The following NAV2 variants were observed in gnomAD, a reference collection of about 807,000 sequenced individuals.
NAV2 encodes helicase, APC down-regulated 1.
In NAV2, 54 loss-of-function variants were observed where a neutral mutation model predicts 223.2. The ratio of observed to expected loss-of-function variants is 0.24; its 90% CI spans 0.19 to 0.30. NAV2 has a LOEUF of 0.30. Among genes scored for constraint, NAV2 ranks in the 10% least tolerant of loss-of-function variants. The pLI, the probability that NAV2 is intolerant of heterozygous loss-of-function variation, is 1.00. For missense variants in NAV2, 2,806 were observed against 3,147.5 expected (o/e 0.89, Z 2.60); for synonymous variants, 1,279 against 1,239.3 (o/e 1.03, Z -0.67).
intron 1 of NAV2, chr11:19,503,021 C>T (rs1590348648): frequency 6.6e-6 from 1 of 152,312 alleles, no homozygotes; most frequent in East Asian, 1.9e-4. Flanking sequence ...AATTTTCTTT[C>T]TTCAGTTTCC....
intron 26 of NAV2, among the ~76,000 whole-genome samples, chr11:20,085,560 G>C (rs1451965405): frequency 6.6e-6 from 1 of 152,194 alleles, no homozygotes; most frequent in Non-Finnish European, 1.5e-5. Context: ...GCCAGGGGGA[G>C]CCACTGGGTT....
chr11:19,589,441 T>A (rs773976756), intron 1 of NAV2, among the ~76,000 whole-genome samples: 21 of 152,244 alleles, frequency 1.4e-4, no homozygotes, highest in Non-Finnish European at 2.2e-4. Context: ...GTGTGGTTGA[T>A]TCTGCCTTGG....
intron 11 of NAV2, among the ~76,000 whole-genome samples, chr11:20,025,347 G>A (rs747763408): frequency 2.0e-4 from 30 of 152,198 alleles, no homozygotes; most frequent in Non-Finnish European, 3.2e-4. Flanking sequence ...ATGTTTAGGG[G>A]AAATATATCT....
intron 1 of NAV2, among the ~76,000 whole-genome samples, chr11:19,430,018 T>C (rs1038102065): frequency 1.3e-5 from 2 of 152,332 alleles, no homozygotes; most frequent in Middle Eastern, 3.4e-3. Flanking sequence ...ACATTCAGTT[T>C]ACAAACTTTA....
chr11:19,839,014 C>T (rs2060377565), intron 2 of NAV2, among the ~76,000 whole-genome samples: 1 of 152,232 alleles, frequency 6.6e-6, no homozygotes, highest in East Asian at 1.9e-4. Context: ...TTGTTTGCGA[C>T]TTTTCTGCCA....
intron 1 of NAV2, among the ~76,000 whole-genome samples, chr11:19,546,987 G>T (rs758386475): frequency 1.4e-4 from 22 of 152,228 alleles, no homozygotes; most frequent in Non-Finnish European, 2.5e-4. Flanking sequence ...AAGCTCAGAT[G>T]TAGCCTCTTT....
At chr11:19,506,772 C>G (rs1057093078) in intron 1 of NAV2, 4 of 152,260 alleles carry the variant, frequency 2.6e-5, no homozygotes, top group African/African-American at 9.7e-5. Context: ...AAATGCCACC[C>G]AGAAAGGAGC....
At chr11:19,773,359 A>G (rs1002564270) in intron 1 of NAV2, among the ~76,000 whole-genome samples, 1 of 152,182 alleles carries the variant, frequency 6.6e-6, no homozygotes, top group African/African-American at 2.4e-5. Context: ...CAGGGGCTCC[A>G]CAGTACCAGA....
intron 6 of NAV2, among the ~76,000 whole-genome samples, chr11:19,910,586 C>T (rs916221193): frequency 3.3e-5 from 5 of 152,126 alleles, no homozygotes; most frequent in Non-Finnish European, 5.9e-5. Flanking sequence ...TAGCCAGGCG[C>T]GGTGGCTTAT....
intron 1 of NAV2, among the ~76,000 whole-genome samples, chr11:19,814,350 C>T (rs1205610691): frequency 3.3e-5 from 5 of 152,072 alleles, no homozygotes; most frequent in Non-Finnish European, 7.4e-5. Context: ...TTCAGTGAGA[C>T]CCATGGATGT....
chr11:19,665,156 C>T (rs2048376728), intron 1 of NAV2, among the ~76,000 whole-genome samples: 1 of 152,150 alleles, frequency 6.6e-6, no homozygotes, highest in Admixed American at 6.6e-5. Context: ...GAGCCTGATG[C>T]CAAATCAAGA....
intron 22 of NAV2, among the ~76,000 whole-genome samples, chr11:20,070,829 G>A (rs1019945798): frequency 1.3e-5 from 2 of 152,114 alleles, no homozygotes; most frequent in African/African-American, 4.8e-5. Context: ...TTGTGCTAAT[G>A]ACACAAAGGC....
chr11:20,106,188 T>C (rs1197764447), intron 35 of NAV2, among the ~76,000 whole-genome samples: 1 of 40,528 alleles, frequency 2.5e-5, no homozygotes, highest in East Asian at 1.1e-3. Context: ...TGTGTGTATA[T>C]ATATATATAT....
chr11:19,669,198 G>A (rs145402499), intron 1 of NAV2, among the ~76,000 whole-genome samples: 1 of 152,296 alleles, frequency 6.6e-6, no homozygotes, highest in African/African-American at 2.4e-5. Context: ...CAAGCTATCT[G>A]CAAGATGGGC....
intron 1 of NAV2, among the ~76,000 whole-genome samples, chr11:19,589,728 G>A (rs911763133): frequency 2.0e-5 from 3 of 152,192 alleles, no homozygotes; most frequent in Admixed American, 1.3e-4. Context: ...CCTAGAAGCC[G>A]ATCAGCCATC....
chr11:19,379,207 TCAGA>T (rs2133914936), intron 1 of NAV2, among the ~76,000 whole-genome samples: 1 of 152,074 alleles, frequency 6.6e-6, no homozygotes, highest in South Asian at 2.1e-4. Flanking sequence ...TGGCTCAGGG[TCAGA>T]CAGACTGGAT....
chr11:19,943,310 C>T (rs2046559965), intron 8 of NAV2, among the ~76,000 whole-genome samples: 3 of 152,024 alleles, frequency 2.0e-5, no homozygotes, highest in South Asian at 4.1e-4. Flanking sequence ...GTATAATAGA[C>T]ATTCATCTTT....
chr11:20,008,413 T>TTC (rs1300586960), intron 11 of NAV2, among the ~76,000 whole-genome samples: 3 of 152,220 alleles, frequency 2.0e-5, no homozygotes, highest in Non-Finnish European at 4.4e-5. Flanking sequence ...TCTCTGTCTT[T>TTC]TCTCTATCAC....
At chr11:20,056,662 C>A (rs769729191) in intron 19 of NAV2, 2 of 1,382,272 alleles carry the variant, frequency 1.4e-6, no homozygotes, top group East Asian at 4.6e-5. Context: ...TGGAGGATAT[C>A]ATCCCCACCC....
Sources: gnomAD v4.1 joint callset for allele counts (sites outside exome capture counted in the v4.1 genomes callset) on GRCh38, gnomAD v4.1.1 for gene constraint, MANE v1.5 for transcripts, NCBI Gene and HGNC (gene_info 2026-07-23, HGNC 2026-07-21) for gene names.